Variants in KIAA1217 observed in about 807,000 individuals in gnomAD.
The protein encoded by KIAA1217 is KIAA1217.
KIAA1217 carries 88 observed loss-of-function variants against 163.9 expected under a neutral mutation model. That is an observed-to-expected ratio of 0.54 (90% CI 0.45 to 0.64). The LOEUF (loss-of-function observed/expected upper bound fraction) is 0.64, where lower values mean the gene tolerates loss of function less well. Among genes scored for constraint, KIAA1217 ranks in the 30% least tolerant of loss-of-function variants. KIAA1217 has a pLI of 0.00. For synonymous variants in KIAA1217, 903 were observed against 923.1 expected, an observed-to-expected ratio of 0.98 and a Z score of 0.39; for missense variants, 2,372 against 2,475.0, an observed-to-expected ratio of 0.96 and a Z score of 0.88.
intron 1 of KIAA1217, among the ~76,000 whole-genome samples, chr10:23,740,068 C>CTCTTGAG (rs71506815): frequency 0.33 from 50,515 of 151,508 alleles, 10,736 homozygotes; most frequent in African/African-American, 0.6. Context: ...TTTGAGATGC[C>CTCTTGAG]TATGTAAGTG....
At chr10:24,383,813 A>C (rs1321915884) in intron 3 of KIAA1217, among the ~76,000 whole-genome samples, 2 of 152,144 alleles carry the variant, frequency 1.3e-5, no homozygotes, top group Non-Finnish European at 2.9e-5. Context: ...CCGATTGGGG[A>C]ATGTCCCCCC....
intron 3 of KIAA1217, among the ~76,000 whole-genome samples, chr10:24,393,342 A>G (rs568599615): frequency 1.3e-5 from 2 of 152,300 alleles, no homozygotes; most frequent in South Asian, 2.1e-4. Flanking sequence ...AGATTTCACA[A>G]GTTAGCTCTG....
At chr10:24,174,857 G>A (rs1266978314) in intron 2 of KIAA1217, among the ~76,000 whole-genome samples, 1 of 152,002 alleles carries the variant, frequency 6.6e-6, no homozygotes, top group African/African-American at 2.4e-5. Flanking sequence ...TAGTGTTGTT[G>A]TTGTTGTTGT....
Position 24,340,456 on chromosome 10 carries a change from C to T in KIAA1217, c.355-40413C>T, listed in dbSNP as rs978878395. ...TCACCTTCCACCATGATTGTGAGGC[C>T]TCCCCAACCACTTGGAAGTATGAGT... On this transcript the variant is annotated intron_variant, in intron 2 of 20. Transcript: ENST00000376454. 1.2e-4 allele frequency among the ~76,000 whole-genome samples: 19 copies of T among 152,312 alleles called. No individual in the cohort carries two copies. The East Asian group carries it at 3.7e-3, about 29-fold the overall frequency.
rs773423005 is a variant in KIAA1217 at position 24,501,548 on chromosome 10, A to T, written c.2001+3A>T. On this transcript the variant is annotated splice_donor_region_variant and intron_variant, in intron 9 of 20. Coordinates refer to ENST00000376454, the MANE Select transcript of KIAA1217 (RefSeq NM_019590.5). ...TCCAGCAGATGCGGCAGCTCCAGGT[A>T]TTCCTCATGCACGGCGGCCTCTGTC... 8 of 1,611,724 alleles carry T rather than the reference A, an allele frequency of 5.0e-6. No individual in the cohort carries two copies. The highest frequency in any genetic ancestry group is 6.8e-6 in the Non-Finnish European group (8 of 1,179,214).
chr10:24,407,082 C>G (rs889293594), intron 3 of KIAA1217, among the ~76,000 whole-genome samples: 1 of 152,198 alleles, frequency 6.6e-6, no homozygotes, highest in African/African-American at 2.4e-5. Context: ...ATCTCTTCTC[C>G]TTTCTAGACC....
intron 2 of KIAA1217, among the ~76,000 whole-genome samples, chr10:24,321,813 A>T (rs1037568768): frequency 2.6e-5 from 4 of 152,148 alleles, no homozygotes; most frequent in African/African-American, 9.7e-5. Context: ...TCAGTTTTGC[A>T]AGGTGAAAAG....
At chr10:24,442,163 CTCCCACCCCTCT>C (rs2060549274) in intron 5 of KIAA1217, among the ~76,000 whole-genome samples, 1 of 152,094 alleles carries the variant, frequency 6.6e-6, no homozygotes, top group African/African-American at 2.4e-5. Flanking sequence ...TAACTGCTGC[CTCCCACCCCTCT>C]TCTACTGATC....
chr10:23,765,990 T>C (rs1267520696), intron 1 of KIAA1217, among the ~76,000 whole-genome samples: 1 of 152,232 alleles, frequency 6.6e-6, no homozygotes, highest in African/African-American at 2.4e-5. Flanking sequence ...TTAAATTTTT[T>C]GAATTATCAC....
intron 1 of KIAA1217, among the ~76,000 whole-genome samples, chr10:23,895,438 A>G (rs1158085073): frequency 6.6e-6 from 1 of 152,194 alleles, no homozygotes; most frequent in African/African-American, 2.4e-5. Context: ...CAAAACCACA[A>G]TGAGATACCA....
chr10:24,536,608 A>C (rs2074051057), intron 16 of KIAA1217, among the ~76,000 whole-genome samples, 166 bp from the exon 17 acceptor site: 1 of 152,110 alleles, frequency 6.6e-6, no homozygotes, highest in South Asian at 2.1e-4. Flanking sequence ...CTTTGTCAAC[A>C]TGAGAGCACG....
At chr10:24,332,727 A>G (rs1303889841) in intron 2 of KIAA1217, among the ~76,000 whole-genome samples, 1 of 152,198 alleles carries the variant, frequency 6.6e-6, no homozygotes. Context: ...GAGCACATGT[A>G]AAGTGTGTTT....
chr10:24,291,473 T>A (rs1162231989), intron 2 of KIAA1217, among the ~76,000 whole-genome samples: 1 of 152,148 alleles, frequency 6.6e-6, no homozygotes, highest in Non-Finnish European at 1.5e-5. Flanking sequence ...GAGGTTCTAG[T>A]GAGTCAAGAT....
chr10:24,075,734 G>GCTGGGATTA (rs34693331), intron 2 of KIAA1217, among the ~76,000 whole-genome samples: 23,882 of 151,492 alleles, frequency 0.16, 3,841 homozygotes, highest in African/African-American at 0.42. Flanking sequence ...CTCCCAAGTA[G>GCTGGGATTA]CTGGGATTAC....
chr10:23,815,530 GC>G (rs1190213706), intron 1 of KIAA1217, among the ~76,000 whole-genome samples: 3 of 152,168 alleles, frequency 2.0e-5, no homozygotes, highest in Non-Finnish European at 4.4e-5. Context: ...TGTAGTCCCA[GC>G]TACTCAGGAG....
chr10:23,697,126 T>G (rs1836096595), intron 1 of KIAA1217, among the ~76,000 whole-genome samples: 1 of 152,210 alleles, frequency 6.6e-6, no homozygotes, highest in African/African-American at 2.4e-5. Flanking sequence ...ACACTTAGAT[T>G]GTAAATGCCA....
intron 1 of KIAA1217, among the ~76,000 whole-genome samples, chr10:23,949,599 C>A (rs1054139715): frequency 3.3e-5 from 5 of 151,776 alleles, no homozygotes. Context: ...CTTTGTTTTA[C>A]CTTTTTTTAA....
At chr10:23,982,148 A>G (rs1325049306) in intron 1 of KIAA1217, among the ~76,000 whole-genome samples, 1 of 152,060 alleles carries the variant, frequency 6.6e-6, no homozygotes, top group African/African-American at 2.4e-5. Context: ...ATAGTGCAGT[A>G]CTATTTTCAA....
chr10:23,908,492 C>T lies in KIAA1217; in HGVS notation c.-320-98733C>T, dbSNP rs114674526. On this transcript the variant is annotated intron_variant, in intron 1 of 18. Transcript: ENST00000376462. Reference sequence around the variant, plus strand: ...TTCCTCGGCTCACCCCTTAGGTGTTCGCATGCCCAGATACAACCCTCAACT... The same window carrying T: ...TTCCTCGGCTCACCCCTTAGGTGTTTGCATGCCCAGATACAACCCTCAACT... Among the ~76,000 whole-genome samples, 443 of 152,054 alleles carry T rather than the reference C, an allele frequency of 2.9e-3. 2 individuals carry two copies. The highest frequency in any genetic ancestry group is 0.01 in the African/African-American group (419 of 41,490).
Sources: gnomAD v4.1 joint callset for allele counts (sites outside exome capture counted in the v4.1 genomes callset) on GRCh38, gnomAD v4.1.1 for gene constraint, MANE v1.5 for transcripts, NCBI Gene and HGNC (gene_info 2026-07-23, HGNC 2026-07-21) for gene names.